The following CABIN1 variants were observed in gnomAD, a reference collection of about 807,000 sequenced individuals.
CABIN1 encodes calcineurin binding protein 1, also known as calcineurin-binding protein cabin-1.
Under a neutral mutation model 227.7 loss-of-function variants are expected in CABIN1, and 133 were observed. That is an observed-to-expected ratio of 0.58 (90% CI 0.51 to 0.67). CABIN1 has a LOEUF of 0.67. CABIN1 is among the 30% of genes least tolerant of loss of function. The pLI is 0.00. For synonymous variants in CABIN1, 1,086 were observed against 1,155.1 expected, an observed-to-expected ratio of 0.94 and a Z score of 1.21; for missense variants, 2,408 against 2,852.5, an observed-to-expected ratio of 0.84 and a Z score of 3.55.
chr22:24,128,850 CCAGA>C (rs1230235351), intron 28 of CABIN1, among the ~76,000 whole-genome samples: 4 of 152,260 alleles, frequency 2.6e-5, no homozygotes, highest in Admixed American at 6.5e-5. Flanking sequence ...AGGATCCCCA[CCAGA>C]CAGTTTGCAC....
At chr22:24,126,967 C>A (rs573864530) in intron 28 of CABIN1, among the ~76,000 whole-genome samples, 1 of 150,992 alleles carries the variant, frequency 6.6e-6, no homozygotes, top group Non-Finnish European at 1.5e-5. Flanking sequence ...CCACTGCCCT[C>A]CAGCCTGGGT....
intron 34 of CABIN1, among the ~76,000 whole-genome samples, chr22:24,174,969 C>T (rs2047023378): frequency 6.6e-6 from 1 of 152,134 alleles, no homozygotes; most frequent in East Asian, 1.9e-4. Flanking sequence ...CTAGAGACTG[C>T]CTGCTTTCCC....
rs186778560 is a variant in CABIN1, at chr22:24,140,074, A to G, written c.4746+5659A>G. 1.4e-4 allele frequency among the ~76,000 whole-genome samples: 21 copies of G among 152,320 alleles called. No homozygotes were observed. The East Asian group carries it at 3.9e-3, about 28-fold the overall frequency. On this transcript the variant is annotated intron_variant, in intron 29 of 36. Transcript: ENST00000263119. ...GGTGCTGCTCAGCCAGAAAGGGGGC[A>G]GGAGAGGAAGGCTAGGATTAGAGGC...
intron 33 of CABIN1, chr22:24,170,268 A>G: frequency 5.0e-6 from 2 of 397,004 alleles, no homozygotes; most frequent in South Asian, 1.8e-5. Context: ...CCTTAAGCCC[A>G]ATCTTGGAGG....
chr22:24,122,558 A>G (rs1602210085), intron 28 of CABIN1, among the ~76,000 whole-genome samples: 1 of 152,130 alleles, frequency 6.6e-6, no homozygotes, highest in African/African-American at 2.4e-5. Flanking sequence ...AAATACAAAA[A>G]TTATCCAGGC....
intron 8 of CABIN1, among the ~76,000 whole-genome samples, chr22:24,053,082 T>C (rs920703434): frequency 7.5e-5 from 11 of 145,922 alleles, no homozygotes; most frequent in Non-Finnish European, 1.5e-4. Flanking sequence ...TTTTTTCTTT[T>C]TTTTTTTTTT....
At chr22:24,022,091 T>A (rs961129056) in intron 1 of CABIN1, among the ~76,000 whole-genome samples, 1 of 152,254 alleles carries the variant, frequency 6.6e-6, no homozygotes, top group Admixed American at 6.5e-5. Flanking sequence ...CTATTTTTTT[T>A]AACAAATTGT....
intron 1 of CABIN1, among the ~76,000 whole-genome samples, chr22:24,024,864 CTT>C (rs1020948565): frequency 7.4e-4 from 113 of 152,256 alleles, no homozygotes; most frequent in African/African-American, 2.7e-3. Context: ...ATTTCTGTCT[CTT>C]TAGTGATAAT....
intron 1 of CABIN1, among the ~76,000 whole-genome samples, chr22:24,033,800 A>T (rs959997414): frequency 5.3e-5 from 8 of 152,192 alleles, no homozygotes; most frequent in Non-Finnish European, 1.2e-4. Flanking sequence ...AAGTGTACAA[A>T]TTCAGTGGTT....
intron 17 of CABIN1, 119 bp downstream of exon 17, chr22:24,071,161 G>C (rs1402288646): frequency 7.2e-7 from 1 of 1,396,254 alleles, no homozygotes; most frequent in Non-Finnish European, 1.0e-6. Context: ...GGACATGATG[G>C]CTTCTTTGGT....
At chr22:24,097,048 G>A (rs1043737734) in intron 25 of CABIN1, among the ~76,000 whole-genome samples, 12 of 152,252 alleles carry the variant, frequency 7.9e-5, no homozygotes, top group African/African-American at 2.9e-4. Context: ...GTTATGGGGA[G>A]GTTCACGTCC....
At chr22:24,057,161 C>A (rs2038865262) in intron 10 of CABIN1, among the ~76,000 whole-genome samples, 1 of 152,192 alleles carries the variant, frequency 6.6e-6, no homozygotes, top group South Asian at 2.1e-4. Flanking sequence ...TGGTCTTGAT[C>A]TCCTGACCTC....
intron 24 of CABIN1, among the ~76,000 whole-genome samples, chr22:24,093,215 G>A (rs906116890): frequency 3.9e-5 from 6 of 152,188 alleles, no homozygotes; most frequent in Non-Finnish European, 7.3e-5. Flanking sequence ...ATATTGATGA[G>A]GTTCTCTTTT....
Position 24,177,624 on chromosome 22 carries a change from C to T in CABIN1, c.6326C>T (p.Ala2109Val), listed in dbSNP as rs1426056101. Reference protein sequence around the residue: ...ASSKAPSSGSAQPPEGHPGKP... With the variant: ...ASSKAPSSGSVQPPEGHPGKP... The stretch of plus-strand genomic sequence containing the variant: ...TCCAAGGCCCCCAGCAGTGGGAGTG[C>T]CCAGCCACCAGAGGGTCACCCAGGC... The change falls in exon 36 of 37, where the codon GCC becomes GTC. Residue 2109 changes from alanine (A) to valine (V), a missense_variant. Transcript: ENST00000263119. The surrounding 1 kb of genome is among the most constrained non-coding windows in gnomAD (Gnocchi z 4.4). 1.2e-6 allele frequency: 2 copies of T among 1,613,254 alleles called. No individual in the cohort carries two copies. Among genetic ancestry groups the T allele is most frequent in the Non-Finnish European group, 1.7e-6 (2 of 1,179,638 alleles).
At chr22:24,050,668 A>G (rs2038253953) in intron 7 of CABIN1, among the ~76,000 whole-genome samples, 157 bp from the exon 8 acceptor site, 1 of 152,210 alleles carries the variant, frequency 6.6e-6, no homozygotes, top group South Asian at 2.1e-4. Context: ...AAGGCTATTT[A>G]CTGCCCTACC....
intron 8 of CABIN1, among the ~76,000 whole-genome samples, chr22:24,051,374 C>G (rs571665571): frequency 6.6e-5 from 10 of 152,060 alleles, no homozygotes; most frequent in Non-Finnish European, 1.0e-4. Flanking sequence ...CTTCTCCGCT[C>G]TCAAGTCCAT....
chr22:24,050,515 TGA>T (rs1162636388), intron 7 of CABIN1, among the ~76,000 whole-genome samples: 1 of 152,252 alleles, frequency 6.6e-6, no homozygotes, highest in African/African-American at 2.4e-5. Context: ...TAATAATAAT[TGA>T]GAGAAAGATT....
intron 24 of CABIN1, among the ~76,000 whole-genome samples, chr22:24,095,680 C>G (rs967897274): frequency 2.0e-5 from 3 of 152,224 alleles, no homozygotes; most frequent in Non-Finnish European, 4.4e-5. Flanking sequence ...GGTTATTACT[C>G]TCATCTCACT....
intron 29 of CABIN1, among the ~76,000 whole-genome samples, chr22:24,162,535 G>T (rs1036094566): frequency 1.3e-5 from 2 of 152,234 alleles, no homozygotes; most frequent in African/African-American, 2.4e-5. Context: ...GCCTGACCCT[G>T]CCCGGGAAAC....
Sources: allele counts gnomAD v4.1 joint callset (sites outside exome capture counted in the v4.1 genomes callset), GRCh38; gene constraint gnomAD v4.1.1; non-coding constraint Gnocchi (gnomAD v3.1); transcripts MANE v1.5; gene names NCBI Gene and HGNC (gene_info 2026-07-23, HGNC 2026-07-21).